GPATCH11: variants seen among roughly 807,000 people sequenced by gnomAD.
GPATCH11 encodes the protein G patch domain-containing protein 11.
A neutral mutation model predicts 44.8 loss-of-function variants in GPATCH11; 32 were observed. That is an observed-to-expected ratio of 0.71 (90% CI 0.54 to 0.96). GPATCH11 has a LOEUF of 0.96. Among genes scored for constraint, GPATCH11 ranks in the 40% least tolerant of loss-of-function variants. The pLI, the probability that GPATCH11 is intolerant of heterozygous loss-of-function variation, is 0.00. For missense variants in GPATCH11, 324 were observed against 303.1 expected (o/e 1.07, Z -0.51); for synonymous variants, 84 against 94.4 (o/e 0.89, Z 0.64).
chr2:37,095,510 C>A lies in GPATCH11; in HGVS notation c.728C>A (p.Ala243Asp). ...CTATATTGTATTTGGTGTGGAACAGCCTATGAAGGTAAGAAAATTACTTTA... is the reference window on the plus strand; with the variant it reads ...CTATATTGTATTTGGTGTGGAACAGACTATGAAGGTAAGAAAATTACTTTA... ...EHLYCIWCGT[A>D]YEDKEDLSSN... The change falls in exon 8 of 9, where the codon GCC becomes GAC. Residue 243 changes from alanine to aspartate, a missense_variant. Physicochemically the swap from Ala to Asp is moderately radical, Grantham distance 126. Coordinates refer to ENST00000674370, the MANE Select transcript of GPATCH11 (RefSeq NM_174931.4). 1 of 1,586,008 alleles carries A rather than the reference C, an allele frequency of 6.3e-7. No homozygotes were observed. The highest frequency in any genetic ancestry group is 8.5e-7 in the Non-Finnish European group (1 of 1,170,690).
chr2:37,088,294 A>C, intron 1 of GPATCH11, 75 bp from the exon 2 acceptor site: 1 of 635,338 alleles, frequency 1.6e-6, no homozygotes, highest in Non-Finnish European at 2.7e-6. Flanking sequence ...GAGACAGCTC[A>C]TGGCTGCAGA....
chr2:37,092,252 G>A lies in GPATCH11; in HGVS notation c.537G>A (p.Gln179=). The part of the protein sequence containing the change: ...SQRACQQLDV[Q]KNIQVPREAW... ...GAGCCTGTCAACAACTGGATGTCCA[G>A]AAAGTAAGCCTTTTACCAGCTTTCA... The change falls in exon 6 of 9, where the codon CAG becomes CAA. Residue 179 remains glutamine, a synonymous_variant. Coordinates refer to ENST00000674370, the MANE Select transcript of GPATCH11 (RefSeq NM_174931.4). 1 of 1,469,066 alleles carries A rather than the reference G, an allele frequency of 6.8e-7. No homozygotes were observed. The highest frequency in any genetic ancestry group is 9.0e-7 in the Non-Finnish European group (1 of 1,111,134). 91.0% of individuals were successfully genotyped at this position (1,469,066 alleles called of 1,614,324 possible). A position where few individuals can be genotyped will look rare whatever the true frequency, so the allele number is the denominator to read the frequency against.
At position 37,092,011 on chromosome 2, in the gene GPATCH11, G is replaced by C; in HGVS notation, c.424G>C (p.Glu142Gln). ...AAAGATTCACATGAAAAACCAAGCT[G>C]AAGAAAAAGCTGCAGAACAGTTTCG... ...RKKIHMKNQA[E>Q]EKAAEQFRMR... The change falls in exon 5 of 9, where the codon GAA becomes CAA. Residue 142 changes from glutamate (E) to glutamine (Q), a missense_variant. Glu to Gln is a conservative substitution (Grantham distance 29, BLOSUM62 2). Transcript: ENST00000674370. 6.2e-7 allele frequency: 1 copy of C among 1,613,146 alleles called. No individual in the cohort carries two copies. Among genetic ancestry groups the C allele is most frequent in the Non-Finnish European group, 8.5e-7 (1 of 1,179,390 alleles).
Position 37,091,930 on chromosome 2 carries a change from G to A in GPATCH11, c.343G>A (p.Gly115Ser). 6.2e-7 allele frequency: 1 copy of A among 1,611,946 alleles called. No homozygotes were observed. Among genetic ancestry groups the A allele is most frequent in the Non-Finnish European group, 8.5e-7 (1 of 1,178,578 alleles). ...LNIKTGKSGI[G>S]HEASLKRKAE... ...TGTTTGAATAGGGAAAAGTGGCATT[G>A]GTCATGAGGCATCATTAAAACGGAA... Residue 115 changes from glycine (G) to serine (S), a missense_variant, in exon 5 of 9, where the codon GGT (glycine) becomes AGT (serine). Gly to Ser is a moderately conservative substitution (Grantham distance 56). Transcript: ENST00000674370.
intron 8 of GPATCH11, 58 bp from the exon 9 acceptor site, chr2:37,096,149 AT>A (rs1673567295): frequency 2.0e-6 from 2 of 1,010,396 alleles, no homozygotes; most frequent in African/African-American, 3.3e-5. Context: ...TGTTGAAATA[AT>A]TTTCTAGTTT....
At chr2:37,091,086 T>A (rs963615169) in intron 4 of GPATCH11, among the ~76,000 whole-genome samples, 10 of 151,898 alleles carry the variant, frequency 6.6e-5, no homozygotes, top group Non-Finnish European at 1.5e-4. Context: ...GCACTTTGGG[T>A]GGCCGAGGCA....
intron 4 of GPATCH11, among the ~76,000 whole-genome samples, chr2:37,091,239 G>A (rs373814400): frequency 6.6e-5 from 10 of 151,888 alleles, no homozygotes; most frequent in African/African-American, 2.4e-4. Context: ...CAGGAGAATC[G>A]CTTGAACCCA....
intron 8 of GPATCH11, among the ~76,000 whole-genome samples, chr2:37,096,005 T>C (rs1355280131): frequency 1.3e-5 from 2 of 152,228 alleles, no homozygotes; most frequent in South Asian, 2.1e-4. Flanking sequence ...CTAACACCTT[T>C]GCCCAAGCTA....
At chr2:37,093,813 C>T (rs1558398364) in intron 6 of GPATCH11, among the ~76,000 whole-genome samples, 1 of 152,128 alleles carries the variant, frequency 6.6e-6, no homozygotes, top group African/African-American at 2.4e-5. Flanking sequence ...TGCACTACCA[C>T]GCCCAGCTAA....
In GPATCH11 at chr2:37,089,608, A is replaced by T. The variant is rs758338713; in HGVS notation, c.60-32A>T. On this transcript the variant is annotated intron_variant, in intron 2 of 8. Transcript: ENST00000674370. The stretch of plus-strand genomic sequence containing the variant: ...AAAAAAAGAAAAGAAAACTTTATGG[A>T]CTCATCTAAAATAAACTTTTCCCTT... 40 of 1,347,020 alleles carry T rather than the reference A, an allele frequency of 3.0e-5. 1 individual carries two copies. In the Middle Eastern group the frequency reaches 5.4e-4, roughly 18 times the overall value. The allele number at this position is 1,347,020 out of a possible 1,614,324, so 83.4% of individuals were successfully genotyped here. A position where few individuals can be genotyped will look rare whatever the true frequency, so the allele number is the denominator to read the frequency against.
At chr2:37,091,466 G>A (rs1050962371) in intron 4 of GPATCH11, among the ~76,000 whole-genome samples, 11 of 152,002 alleles carry the variant, frequency 7.2e-5, no homozygotes, top group African/African-American at 2.2e-4. Context: ...AGGCTGAGGC[G>A]GGACGATTCC....
At chr2:37,096,072 T>A (rs1673564054) in intron 8 of GPATCH11, 136 bp from the exon 9 acceptor site, 1 of 615,556 alleles carries the variant, frequency 1.6e-6, no homozygotes, top group Admixed American at 3.6e-5. Context: ...TTTTTGGTTA[T>A]TGTTGTTTTT....
Position 37,096,630 on chromosome 2 carries a change from A to T in GPATCH11, c.*367A>T, listed in dbSNP as rs1037259330. The T allele has an allele frequency of 1.2e-4, 23 of 188,674 alleles. No homozygotes were observed. The highest frequency in any genetic ancestry group is 2.3e-4 in the Non-Finnish European group (21 of 92,720). 11.7% of individuals were successfully genotyped at this position (188,674 alleles called of 1,614,324 possible). On this transcript the variant is annotated 3_prime_UTR_variant, in exon 9 of 9. Transcript: ENST00000674370. ...ATCCACTTTATCAGTGAATAAACTG[A>T]TACAGAGAAGAAGGTTGACTTTTTC...
intron 6 of GPATCH11, among the ~76,000 whole-genome samples, 183 bp from the exon 7 acceptor site, chr2:37,093,895 TCCAC>T (rs1673446885): frequency 6.6e-6 from 1 of 152,154 alleles, no homozygotes; most frequent in African/African-American, 2.4e-5. Flanking sequence ...GACCTCGTGA[TCCAC>T]CCACCTCTCC....
intron 1 of GPATCH11, among the ~76,000 whole-genome samples, chr2:37,087,267 A>G (rs556133718): frequency 6.6e-6 from 1 of 152,336 alleles, no homozygotes; most frequent in East Asian, 1.9e-4. Flanking sequence ...GCCACCCTCC[A>G]CTAAAACCAC....
At position 37,096,259 on chromosome 2, in the gene GPATCH11, A is replaced by G. The variant is rs1256958829; in HGVS notation, c.788A>G (p.Asp263Gly). 6.3e-7 allele frequency: 1 copy of G among 1,576,810 alleles called. No individual in the cohort carries two copies. The highest frequency in any genetic ancestry group is 1.3e-5 in the African/African-American group (1 of 74,248). Residue 263 changes from aspartate to glycine, a missense_variant, in exon 9 of 9, where the codon GAC becomes GGC. By Grantham distance (94) the Asp-to-Gly change is moderately conservative. Transcript: ENST00000674370. The part of the protein sequence containing the change: ...NCPGPTSADH[D>G] ...CCAGGACCAACTTCTGCAGATCATG[A>G]CTAAGATTATTCCCAATAAAGTGGA...
Position 37,097,543 on chromosome 2 carries a change from G to A in GPATCH11, c.*1280G>A, listed in dbSNP as rs541218796. The A allele has an allele frequency of 4.6e-5, 7 of 152,312 alleles. No individual in the cohort carries two copies. The highest frequency in any genetic ancestry group is 1.4e-4 in the African/African-American group (6 of 41,548). The allele number at this position is 152,312 out of a possible 1,614,324, so 9.4% of individuals were successfully genotyped here. A position where few individuals can be genotyped will look rare whatever the true frequency, so the allele number is the denominator to read the frequency against. On this transcript the variant is annotated 3_prime_UTR_variant, in exon 9 of 9. Transcript: ENST00000674370. ...ACCTGAGGATAAGAACTAGTACTGA[G>A]GTTAAGGATGGAGCACCACCATTCT...
chr2:37,098,559 G>C lies in GPATCH11; in HGVS notation c.*2296G>C, dbSNP rs569562887. ...GCTTCCCTTTCTCCTGTTACTATGA[G>C]GACAACCCACACCTGCTCAGTGGCC... On this transcript the variant is annotated 3_prime_UTR_variant, in exon 9 of 9. Coordinates refer to ENST00000674370, the MANE Select transcript of GPATCH11 (RefSeq NM_174931.4). 2.0e-5 allele frequency: 3 copies of C among 151,982 alleles called. No individual in the cohort carries two copies. Among genetic ancestry groups the C allele is most frequent in the African/African-American group, 7.3e-5 (3 of 41,356 alleles). 9.4% of individuals were successfully genotyped at this position (151,982 alleles called of 1,614,324 possible).
chr2:37,087,319 G>C (rs1673096815), intron 1 of GPATCH11, among the ~76,000 whole-genome samples: 1 of 152,152 alleles, frequency 6.6e-6, no homozygotes, highest in Non-Finnish European at 1.5e-5. Flanking sequence ...AAAGATGGTA[G>C]GCAGGAAAAA....
Sources: gnomAD v4.1 joint callset for allele counts (sites outside exome capture counted in the v4.1 genomes callset) on GRCh38, gnomAD v4.1.1 for gene constraint, MANE v1.5 for transcripts, NCBI Gene and HGNC (gene_info 2026-07-23, HGNC 2026-07-21) for gene names.